The following XPO4 variants were observed in gnomAD, a reference collection of about 807,000 sequenced individuals.
The protein encoded by XPO4 is exportin-4.
A neutral mutation model predicts 143.0 loss-of-function variants in XPO4; 39 were observed. The observed-to-expected ratio is 0.27, with a 90% CI of 0.21 to 0.36. The LOEUF (loss-of-function observed/expected upper bound fraction) is 0.36. XPO4 is among the 10% of genes least tolerant of loss of function. The pLI is 1.00. For synonymous variants in XPO4, 439 were observed against 474.0 expected (o/e 0.93, Z 0.96); for missense variants, 907 against 1,348.0 (o/e 0.67, Z 5.12).
intron 16 of XPO4, among the ~76,000 whole-genome samples, 172 bp downstream of exon 16, chr13:20,798,993 C>T (rs2059395468): frequency 6.6e-6 from 1 of 150,956 alleles, no homozygotes; most frequent in Non-Finnish European, 1.5e-5. Flanking sequence ...TGTACTCCAG[C>T]CTGGGCAACA....
At chr13:20,813,957 CAAAA>C (rs557631755) in intron 9 of XPO4, among the ~76,000 whole-genome samples, 5 of 89,796 alleles carry the variant, frequency 5.6e-5, no homozygotes, top group African/African-American at 1.4e-4. Context: ...GACGCTGTCT[CAAAA>C]AAAAAAAAAA....
intron 18 of XPO4, among the ~76,000 whole-genome samples, chr13:20,795,200 C>CTAG (rs532636112): frequency 3.1e-3 from 477 of 152,204 alleles, no homozygotes; most frequent in Non-Finnish European, 5.1e-3. Flanking sequence ...ATAGGAGAGG[C>CTAG]TAGATATGAT....
intron 3 of XPO4, chr13:20,856,431 CACAGAA>C (rs908822392): frequency 1.2e-6 from 1 of 804,768 alleles, no homozygotes; most frequent in African/African-American, 1.9e-5. Flanking sequence ...ACCACAAGGG[CACAGAA>C]ACTTAATTGA....
At chr13:20,846,699 A>G (rs1458048562) in intron 4 of XPO4, among the ~76,000 whole-genome samples, 2 of 152,160 alleles carry the variant, frequency 1.3e-5, no homozygotes, top group African/African-American at 4.8e-5. Flanking sequence ...ACGAAAATAA[A>G]ATTGTCTACA....
At chr13:20,891,715 T>C (rs1200621994) in intron 1 of XPO4, among the ~76,000 whole-genome samples, 2 of 151,356 alleles carry the variant, frequency 1.3e-5, no homozygotes, top group African/African-American at 4.9e-5. Flanking sequence ...TACAAAAAAA[T>C]AGCCAGGCGT....
chr13:20,865,496 G>A (rs1029640436), intron 2 of XPO4: 2 of 985,198 alleles, frequency 2.0e-6, no homozygotes, highest in African/African-American at 1.7e-5. Context: ...ACACTGTCCA[G>A]AGAATAAATT....
intron 3 of XPO4, chr13:20,856,326 C>T (rs2060143762): frequency 2.3e-5 from 23 of 985,280 alleles, no homozygotes; most frequent in Non-Finnish European, 2.8e-5. Flanking sequence ...AACACACACA[C>T]ACAAACATTC....
Position 20,783,550 on chromosome 13 carries a change from A to G in XPO4, c.*172T>C. The G allele has an allele frequency of 1.6e-6, 1 of 637,544 alleles. No individual in the cohort carries two copies. The highest frequency in any genetic ancestry group is 1.9e-5 in the South Asian group (1 of 51,504). The allele number at this position is 637,544 out of a possible 1,614,324, so 39.5% of individuals were successfully genotyped here. A position where few individuals can be genotyped will look rare whatever the true frequency, so the allele number is the denominator to read the frequency against. On this transcript the variant is annotated 3_prime_UTR_variant, in exon 23 of 23. Coordinates refer to ENST00000255305, the MANE Select transcript of XPO4 (RefSeq NM_022459.5). ...GGCTAACACTTAACAGCAGAAGCTGATGCCAAGTTGACCTCTCCTGTTTCA... is the reference window on the plus strand; with the variant it reads ...GGCTAACACTTAACAGCAGAAGCTGGTGCCAAGTTGACCTCTCCTGTTTCA...
chr13:20,838,228 T>C (rs892992917), intron 6 of XPO4, among the ~76,000 whole-genome samples: 1 of 152,228 alleles, frequency 6.6e-6, no homozygotes, highest in Non-Finnish European at 1.5e-5. Flanking sequence ...TATCTCTCTA[T>C]GCACATCCTA....
rs189703792 is a variant in XPO4, at chr13:20,838,768, C to T, written c.727+4127G>A. On this transcript the variant is annotated intron_variant, in intron 6 of 22. Transcript: ENST00000255305. The stretch of plus-strand genomic sequence containing the variant: ...TCCCAAAGAGAAATGAAACCCTAAG[C>T]CCACACAAAAATTATAAATGAATGC... Among the ~76,000 whole-genome samples the T allele has an allele frequency of 9.3e-4, 141 of 152,058 alleles. No homozygotes were observed. The Middle Eastern group carries it at 0.01, about 11-fold the overall frequency.
chr13:20,795,322 A>C (rs1294074037), intron 18 of XPO4, among the ~76,000 whole-genome samples: 2 of 152,224 alleles, frequency 1.3e-5, no homozygotes. Flanking sequence ...TATGAGGTTT[A>C]AATTACTGAT....
In XPO4 at chr13:20,795,410, C is replaced by T. The variant is rs1242605322; in HGVS notation, c.2797+666G>A. On this transcript the variant is annotated intron_variant, in intron 18 of 22. Transcript: ENST00000255305. ...AATGCTAGGCACCAAAGACACTTTA[C>T]AGCTGATCCTTCAAACACACTGAAA... Among the ~76,000 whole-genome samples, 3 of 152,210 alleles carry T rather than the reference C, an allele frequency of 2.0e-5. No homozygotes were observed. In the East Asian group the frequency reaches 5.8e-4, roughly 29 times the overall value.
chr13:20,887,871 G>A (rs12867952), intron 1 of XPO4, among the ~76,000 whole-genome samples: 63,741 of 148,022 alleles, frequency 0.43, 14,102 homozygotes, highest in Non-Finnish European at 0.5. Context: ...AAAAGGAAAG[G>A]AAAAGAAAAA....
chr13:20,840,939 C>T (rs920205396), intron 6 of XPO4, among the ~76,000 whole-genome samples: 1 of 150,516 alleles, frequency 6.6e-6, no homozygotes, highest in Non-Finnish European at 1.5e-5. Flanking sequence ...TGCAGTATTG[C>T]TTATCATTTT....
At chr13:20,787,163 T>C in intron 21 of XPO4, 106 bp from the exon 22 acceptor site, 1 of 973,620 alleles carries the variant, frequency 1.0e-6, no homozygotes, top group Non-Finnish European at 1.5e-6. Flanking sequence ...TTATTCTATT[T>C]ATTAAATCAA....
chr13:20,845,992 A>T (rs1226908396), intron 4 of XPO4, among the ~76,000 whole-genome samples: 2 of 152,250 alleles, frequency 1.3e-5, no homozygotes, highest in African/African-American at 4.8e-5. Context: ...TTACTAAAAA[A>T]GGAAATTAAT....
chr13:20,868,597 C>T lies in XPO4; in HGVS notation c.174G>A (p.Leu58=), dbSNP rs762152694. The T allele has an allele frequency of 1.2e-5, 19 of 1,611,300 alleles. No individual in the cohort carries two copies. The South Asian group carries it at 2.0e-4, about 17-fold the overall frequency. ...KSPFAVCKHI[L]ETSKVDYVLF... ...TATATTTTTTAAGTGAATACTTACC[C>T]AAAATATGCTTGCAAACTGCAAATG... The change falls in exon 2 of 23, where the codon TTG becomes TTA. Residue 58 remains leucine, a splice_region_variant and synonymous_variant. Transcript: ENST00000255305.
chr13:20,795,578 C>T (rs2059347287), intron 18 of XPO4, among the ~76,000 whole-genome samples: 1 of 152,140 alleles, frequency 6.6e-6, no homozygotes, highest in Admixed American at 6.5e-5. Context: ...GCTTCCTACA[C>T]CAACAGGGCT....
chr13:20,803,071 T>C lies in XPO4; in HGVS notation c.1818-2081A>G, dbSNP rs1001077280. 1.1e-4 allele frequency among the ~76,000 whole-genome samples: 17 copies of C among 152,338 alleles called. No homozygotes were observed. The highest frequency in any genetic ancestry group is 3.8e-4 in the African/African-American group (16 of 41,584). On this transcript the variant is annotated intron_variant, in intron 13 of 22. Transcript: ENST00000255305. The surrounding 1 kb of genome is among the most constrained non-coding windows in gnomAD (Gnocchi z 4.1). ...ATTCCTATTTTTCCTTTAATAGATA[T>C]AAGTACTGAGAAAACTTCATATAAG...
Sources: gnomAD v4.1 joint callset for allele counts (sites outside exome capture counted in the v4.1 genomes callset) on GRCh38, gnomAD v4.1.1 for gene constraint, Gnocchi (gnomAD v3.1) non-coding constraint, MANE v1.5 for transcripts, NCBI Gene and HGNC (gene_info 2026-07-23, HGNC 2026-07-21) for gene names.